Variants in IL1RAPL2 observed in about 807,000 individuals in gnomAD.
IL1RAPL2 encodes interleukin 1 receptor accessory protein like 2, also known as X-linked interleukin-1 receptor accessory protein-like 2.
A neutral mutation model predicts 44.1 loss-of-function variants in IL1RAPL2; 3 were observed. The ratio of observed to expected loss-of-function variants is 0.07; its 90% CI spans 0.03 to 0.18. IL1RAPL2 has a LOEUF of 0.18. Among genes scored for constraint, IL1RAPL2 ranks in the 10% least tolerant of loss-of-function variants. The pLI is 1.00. For synonymous variants in IL1RAPL2, 181 were observed against 178.8 expected (o/e 1.01, Z -0.10); for missense variants, 391 against 496.4 (o/e 0.79, Z 2.02).
chrX:105,543,438 C>T (rs1236113111), intron 6 of IL1RAPL2, among the ~76,000 whole-genome samples: 2 of 112,301 alleles, frequency 1.8e-5, no homozygotes, highest in Admixed American at 1.9e-4. Context: ...ACAGTGGCTT[C>T]CTCATCCATT....
intron 4 of IL1RAPL2, among the ~76,000 whole-genome samples, chrX:105,239,392 A>AT (rs1346651876): frequency 5.4e-5 from 6 of 111,557 alleles, no homozygotes; most frequent in Admixed American, 1.9e-4. Context: ...TTAACAAATG[A>AT]TGCCTTTCTA....
chrX:105,247,605 G>A (rs59340580), intron 4 of IL1RAPL2, among the ~76,000 whole-genome samples: 7,518 of 64,305 alleles, frequency 0.12, 953 homozygotes, highest in African/African-American at 0.51. Context: ...ATATATATAT[G>A]TGTGTGTGTG....
At chrX:104,674,843 G>A in intron 2 of IL1RAPL2, among the ~76,000 whole-genome samples, 1 of 111,606 alleles carries the variant, frequency 9.0e-6, no homozygotes, top group East Asian at 2.8e-4. Flanking sequence ...TATGTGTCAA[G>A]GAATTTATCC....
chrX:104,990,612 A>T (rs887636467), intron 2 of IL1RAPL2, among the ~76,000 whole-genome samples: 5 of 111,786 alleles, frequency 4.5e-5, no homozygotes, highest in African/African-American at 6.5e-5. Context: ...TGACTTGAGG[A>T]TTATAAAGGT....
At chrX:104,810,389 A>G (rs1313627007) in intron 2 of IL1RAPL2, among the ~76,000 whole-genome samples, 1 of 111,002 alleles carries the variant, frequency 9.0e-6, no homozygotes, top group African/African-American at 3.3e-5. Flanking sequence ...CATTGTGCAC[A>G]TGTACCCTAA....
At chrX:105,728,965 G>A (rs2038376676) in intron 7 of IL1RAPL2, among the ~76,000 whole-genome samples, 1 of 110,573 alleles carries the variant, frequency 9.0e-6, no homozygotes, top group Admixed American at 9.6e-5. Flanking sequence ...AATGTCATAC[G>A]TTTGGAATCC....
chrX:105,552,343 A>G (rs936064302), intron 6 of IL1RAPL2, among the ~76,000 whole-genome samples: 1 of 112,181 alleles, frequency 8.9e-6, no homozygotes, highest in Non-Finnish European at 1.9e-5. Context: ...TCTTAAACGT[A>G]TAACAAGCAT....
chrX:105,037,257 C>A (rs756962674), intron 2 of IL1RAPL2, among the ~76,000 whole-genome samples: 8 of 111,528 alleles, frequency 7.2e-5, no homozygotes, highest in Non-Finnish European at 1.3e-4. Flanking sequence ...TATTACCTGA[C>A]AGAAGGCTAC....
chrX:105,212,118 G>A (rs781953752), intron 3 of IL1RAPL2, among the ~76,000 whole-genome samples: 2 of 111,634 alleles, frequency 1.8e-5, no homozygotes, highest in African/African-American at 3.3e-5. Context: ...AGACAGAACC[G>A]CTCACTCCCC....
rs774376694 is a variant in IL1RAPL2 at position 104,791,570 on chromosome X, C to T, written c.82+132575C>T. On this transcript the variant is annotated intron_variant, in intron 2 of 10. Transcript: ENST00000372582. ...TGTGGCTCTGATTTCTACTCAGAAT[C>T]AGAACACCAGGAGAAATGATGATCT... 5.4e-5 allele frequency among the ~76,000 whole-genome samples: 6 copies of T among 111,871 alleles called. No individual in the cohort carries two copies. The South Asian group carries it at 1.9e-3, about 35-fold the overall frequency.
At chrX:104,702,550 T>C (rs2147553000) in intron 2 of IL1RAPL2, among the ~76,000 whole-genome samples, 1 of 112,224 alleles carries the variant, frequency 8.9e-6, no homozygotes, top group East Asian at 2.8e-4. Flanking sequence ...CCAACAGTAT[T>C]TTGTAAATAA....
chrX:105,323,820 G>A (rs908714809), intron 5 of IL1RAPL2, among the ~76,000 whole-genome samples: 4 of 109,847 alleles, frequency 3.6e-5, no homozygotes, highest in Non-Finnish European at 5.7e-5. Flanking sequence ...AGGTTGCAGC[G>A]AGCTGAGATT....
chrX:105,347,426 G>A (rs2035118826), intron 5 of IL1RAPL2, among the ~76,000 whole-genome samples: 1 of 111,295 alleles, frequency 9.0e-6, no homozygotes, highest in African/African-American at 3.3e-5. Context: ...TTGCCTGGAG[G>A]ATTAAGCAAG....
chrX:105,536,565 A>T (rs1187041745), intron 6 of IL1RAPL2, among the ~76,000 whole-genome samples: 1 of 111,234 alleles, frequency 9.0e-6, no homozygotes, highest in Non-Finnish European at 1.9e-5. Flanking sequence ...AGTAAATGCC[A>T]CACATCAGGA....
chrX:105,373,698 A>G (rs1303745361), intron 5 of IL1RAPL2, among the ~76,000 whole-genome samples: 1 of 111,280 alleles, frequency 9.0e-6, no homozygotes, highest in Non-Finnish European at 1.9e-5. Flanking sequence ...TTTTGTATAT[A>G]GTATAAGGAA....
intron 5 of IL1RAPL2, among the ~76,000 whole-genome samples, chrX:105,419,964 C>T: frequency 9.0e-6 from 1 of 110,972 alleles, no homozygotes; most frequent in East Asian, 2.8e-4. Context: ...GAAATAGTTA[C>T]AAATGCGTAT....
At chrX:105,664,706 A>G (rs1385585118) in intron 6 of IL1RAPL2, among the ~76,000 whole-genome samples, 2 of 111,994 alleles carry the variant, frequency 1.8e-5, no homozygotes, top group Non-Finnish European at 3.8e-5. Flanking sequence ...TCAGAGGGCC[A>G]TAACAACCTT....
chrX:105,688,129 A>G (rs1282496946), intron 6 of IL1RAPL2, among the ~76,000 whole-genome samples: 2 of 111,923 alleles, frequency 1.8e-5, no homozygotes, highest in Non-Finnish European at 3.8e-5. Context: ...TGAATGCGCA[A>G]AAACTAGAAG....
At chrX:105,522,550 TAAA>T (rs1159944178) in intron 6 of IL1RAPL2, among the ~76,000 whole-genome samples, 1 of 112,182 alleles carries the variant, frequency 8.9e-6, no homozygotes, top group Non-Finnish European at 1.9e-5. Context: ...TAGGGACCTA[TAAA>T]GATTTCAAGT....
Sources: allele counts gnomAD v4.1 joint callset (sites outside exome capture counted in the v4.1 genomes callset), GRCh38; gene constraint gnomAD v4.1.1; transcripts MANE v1.5; gene names NCBI Gene and HGNC (gene_info 2026-07-23, HGNC 2026-07-21).